NPNT: variants seen among roughly 807,000 people sequenced by gnomAD.
NPNT encodes the protein preosteoblast EGF-like repeat protein with MAM domain.
A neutral mutation model predicts 68.6 loss-of-function variants in NPNT; 45 were observed. That is an observed-to-expected ratio of 0.66 (90% CI 0.52 to 0.84). NPNT has a LOEUF of 0.84. NPNT is among the 40% of genes least tolerant of loss of function. The pLI is 0.00. For synonymous variants in NPNT, 233 were observed against 253.3 expected, an observed-to-expected ratio of 0.92 and a Z score of 0.76; for missense variants, 672 against 714.8, an observed-to-expected ratio of 0.94 and a Z score of 0.68.
chr4:105,947,616 C>T (rs987849709), intron 8 of NPNT, among the ~76,000 whole-genome samples: 1 of 152,120 alleles, frequency 6.6e-6, no homozygotes, highest in African/African-American at 2.4e-5. Flanking sequence ...TGTTCATTGT[C>T]TCCAGATCCC....
intron 8 of NPNT, among the ~76,000 whole-genome samples, chr4:105,949,799 T>C (rs1730676542): frequency 6.6e-6 from 1 of 152,228 alleles, no homozygotes; most frequent in African/African-American, 2.4e-5. Flanking sequence ...TACAAAGCTG[T>C]ACCTGCCATT....
chr4:105,908,685 TC>T (rs769530415), intron 2 of NPNT, among the ~76,000 whole-genome samples: 6 of 151,874 alleles, frequency 4.0e-5, no homozygotes, highest in Non-Finnish European at 7.4e-5. Context: ...TGCCTCAGCC[TC>T]CCGAGTAGCT....
chr4:105,955,148 T>A (rs1731119907), intron 8 of NPNT, among the ~76,000 whole-genome samples: 1 of 152,216 alleles, frequency 6.6e-6, no homozygotes, highest in Non-Finnish European at 1.5e-5. Context: ...ATGGTTCAAC[T>A]GCAGAGAATA....
intron 8 of NPNT, among the ~76,000 whole-genome samples, chr4:105,957,657 A>G (rs530889104): frequency 6.6e-6 from 1 of 152,228 alleles, no homozygotes; most frequent in African/African-American, 2.4e-5. Flanking sequence ...CATGTGTGTA[A>G]ATAGCTGCAA....
At chr4:105,963,219 C>T (rs150398154) in intron 10 of NPNT, among the ~76,000 whole-genome samples, 12 of 148,966 alleles carry the variant, frequency 8.1e-5, no homozygotes, top group African/African-American at 2.3e-4. Context: ...AGCAAGACTC[C>T]GTCAAAAAAA....
intron 9 of NPNT, chr4:105,958,825 A>C: frequency 1.8e-6 from 1 of 558,938 alleles, no homozygotes; most frequent in Non-Finnish European, 3.2e-6. Context: ...ATTTGGCAAC[A>C]CTTGTGTGTT....
At chr4:105,918,531 CT>C (rs1560900746) in intron 2 of NPNT, among the ~76,000 whole-genome samples, 1 of 151,998 alleles carries the variant, frequency 6.6e-6, no homozygotes, top group Non-Finnish European at 1.5e-5. Flanking sequence ...ATTATATTTC[CT>C]TTTTGAAAGA....
At chr4:105,899,683 A>G (rs1726237858) in intron 2 of NPNT, among the ~76,000 whole-genome samples, 1 of 152,224 alleles carries the variant, frequency 6.6e-6, no homozygotes, top group Non-Finnish European at 1.5e-5. Context: ...AAGGTTTTCT[A>G]TGTTACAGTG....
chr4:105,963,764 G>A (rs1228987304), intron 10 of NPNT, among the ~76,000 whole-genome samples: 1 of 150,088 alleles, frequency 6.7e-6, no homozygotes, highest in African/African-American at 2.5e-5. Flanking sequence ...TATCAAGTAT[G>A]CCAGCATGTA....
rs1732393265 is a variant in NPNT, at chr4:105,969,093, G to T, written c.*103G>T. The T allele has an allele frequency of 2.8e-6, 2 of 720,666 alleles. No homozygotes were observed. Among genetic ancestry groups the T allele is most frequent in the African/African-American group, 3.5e-5 (2 of 56,370 alleles). The allele number at this position is 720,666 out of a possible 1,614,324, so 44.6% of individuals were successfully genotyped here. ...TTTTATCAGGCCTAGGAGAAGAGTG[G>T]GTCAGTGGGTCAGAAGGAAGTCTAT... is the stretch of plus-strand genomic sequence containing the variant. On this transcript the variant is annotated 3_prime_UTR_variant, in exon 12 of 12. Transcript: ENST00000379987.
rs1005031433 is a variant in NPNT at position 105,970,197 on chromosome 4, G to A, written c.*1207G>A. The A allele has an allele frequency of 4.2e-5, 23 of 541,730 alleles. No homozygotes were observed. Among genetic ancestry groups the A allele is most frequent in the African/African-American group, 3.2e-4 (17 of 52,936 alleles). The allele number at this position is 541,730 out of a possible 1,614,324, so 33.6% of individuals were successfully genotyped here. The stretch of plus-strand genomic sequence containing the variant: ...TTAGAGGCATGGGATGTGTTGGAAC[G>A]GGATTTACACACACTGGAGGAGCAG... On this transcript the variant is annotated 3_prime_UTR_variant, in exon 12 of 12. Coordinates refer to ENST00000379987, the MANE Select transcript of NPNT (RefSeq NM_001033047.3).
At chr4:105,964,226 C>T (rs1481130003) in intron 10 of NPNT, among the ~76,000 whole-genome samples, 1 of 152,194 alleles carries the variant, frequency 6.6e-6, no homozygotes, top group African/African-American at 2.4e-5. Flanking sequence ...AGAACACCCT[C>T]ATTCTTATTT....
intron 10 of NPNT, among the ~76,000 whole-genome samples, chr4:105,964,688 A>T (rs549682211): frequency 1.3e-5 from 2 of 152,076 alleles, no homozygotes; most frequent in Non-Finnish European, 2.9e-5. Flanking sequence ...ATTTTTCTTT[A>T]GTATTTTTAT....
chr4:105,908,256 G>A (rs1727078280), intron 2 of NPNT, among the ~76,000 whole-genome samples: 1 of 150,918 alleles, frequency 6.6e-6, no homozygotes, highest in South Asian at 2.1e-4. Context: ...TTTGGCATGG[G>A]TTATTTGCAT....
chr4:105,938,140 C>G (rs1283192213), intron 4 of NPNT, among the ~76,000 whole-genome samples, 161 bp from the exon 5 acceptor site: 1 of 152,136 alleles, frequency 6.6e-6, no homozygotes, highest in Non-Finnish European at 1.5e-5. Context: ...TGCTTTCTTT[C>G]CTTCCCCCTT....
chr4:105,950,038 A>G (rs1730695504), intron 8 of NPNT, among the ~76,000 whole-genome samples: 1 of 152,210 alleles, frequency 6.6e-6, no homozygotes, highest in Non-Finnish European at 1.5e-5. Flanking sequence ...GAGGGGGCAG[A>G]GTAACAGAAC....
Position 105,940,647 on chromosome 4 carries a change from C to T in NPNT, c.763+11C>T. ...GACTGACTTGTGTGTGTGAGTAGCA[C>T]TTGTCTCTCAGCTTTAAATTCTAGC... On this transcript the variant is annotated intron_variant, in intron 7 of 11. Coordinates refer to ENST00000379987, the MANE Select transcript of NPNT (RefSeq NM_001033047.3). 1.2e-6 allele frequency: 2 copies of T among 1,611,066 alleles called. No homozygotes were observed. Among genetic ancestry groups the T allele is most frequent in the Non-Finnish European group, 1.7e-6 (2 of 1,178,204 alleles).
chr4:105,912,652 G>T, intron 2 of NPNT: 1 of 683,004 alleles, frequency 1.5e-6, no homozygotes, highest in Non-Finnish European at 1.8e-6. Context: ...AACAATTCAG[G>T]TAAGAAATAT....
rs1729648593 is a variant in NPNT at position 105,938,244 on chromosome 4, T to A, written c.386-57T>A. 5.7e-6 allele frequency: 9 copies of A among 1,580,376 alleles called. No individual in the cohort carries two copies. In the Admixed American group the frequency reaches 1.6e-4, roughly 28 times the overall value. ...AGGACAAGTGAAAAAACATAGCTAT[T>A]TCCATTACAGATTTTGTTTTCTACC... On this transcript the variant is annotated intron_variant, in intron 4 of 11. Coordinates refer to ENST00000379987, the MANE Select transcript of NPNT (RefSeq NM_001033047.3).
Sources: gnomAD v4.1 joint callset for allele counts (sites outside exome capture counted in the v4.1 genomes callset) on GRCh38, gnomAD v4.1.1 for gene constraint, MANE v1.5 for transcripts, NCBI Gene and HGNC (gene_info 2026-07-23, HGNC 2026-07-21) for gene names.